Variants in CLASP2 observed in about 807,000 individuals in gnomAD.
CLASP2 encodes cytoplasmic linker associated protein 2.
CLASP2 carries 47 observed loss-of-function variants against 194.4 expected under a neutral mutation model. That is an observed-to-expected ratio of 0.24 (90% CI 0.19 to 0.31). The LOEUF is 0.31. Ranked by LOEUF, CLASP2 falls within the 10% of genes least tolerant of loss-of-function variation. The probability of loss-of-function intolerance (pLI) is 1.00; values close to 1 mark genes in which losing one functional copy is unlikely to be tolerated. For synonymous variants in CLASP2, 619 were observed against 633.5 expected (o/e 0.98, Z 0.34); for missense variants, 1,445 against 1,823.6 (o/e 0.79, Z 3.78).
In CLASP2 at chr3:33,717,939, G is replaced by A. The variant is rs372618019; in HGVS notation, c.64C>T (p.Leu22=). Residue 22 remains leucine, a synonymous_variant, in exon 1 of 39, where the codon CTG becomes TTG. Transcript: ENST00000682230. ...AGCAGGAGCTCCTGGCCGACCTGCA[G>A]CCGGCCGCCGACGTCCTTCTGCTGC... ...QVQQKDVGGR[L]QVGQELLLYL... 5 of 1,547,548 alleles carry A rather than the reference G, an allele frequency of 3.2e-6. No homozygotes were observed. The highest frequency in any genetic ancestry group is 4.4e-6 in the Non-Finnish European group (5 of 1,147,312).
chr3:33,539,055 C>CT, intron 32 of CLASP2, 113 bp from the exon 33 acceptor site: 3 of 749,036 alleles, frequency 4.0e-6, no homozygotes, highest in Non-Finnish European at 5.8e-6. Context: ...TGTATATTCT[C>CT]AGAGCATAAT....
At chr3:33,536,810 T>C (rs1038544597) in intron 33 of CLASP2, among the ~76,000 whole-genome samples, 2 of 152,164 alleles carry the variant, frequency 1.3e-5, no homozygotes, top group Admixed American at 6.5e-5. Context: ...AGACAAAAGA[T>C]TTCCTGACAG....
At chr3:33,707,241 G>T (rs1157341950) in intron 1 of CLASP2, among the ~76,000 whole-genome samples, 1 of 152,050 alleles carries the variant, frequency 6.6e-6, no homozygotes, top group Non-Finnish European at 1.5e-5. Context: ...ATATCAAAAA[G>T]GATAGTAACT....
At chr3:33,615,686 CTATA>C (rs1290027035) in intron 12 of CLASP2, among the ~76,000 whole-genome samples, 2 of 151,780 alleles carry the variant, frequency 1.3e-5, no homozygotes, top group Admixed American at 6.6e-5. Context: ...AACCAACTAC[CTATA>C]TAAAGTGATG....
At chr3:33,623,391 T>A (rs531407433) in intron 10 of CLASP2, among the ~76,000 whole-genome samples, 1 of 152,142 alleles carries the variant, frequency 6.6e-6, no homozygotes, top group Non-Finnish European at 1.5e-5. Flanking sequence ...TTTGTACCCT[T>A]CAACCATCTC....
chr3:33,660,651 A>T (rs2085154151), intron 7 of CLASP2, among the ~76,000 whole-genome samples: 2 of 152,236 alleles, frequency 1.3e-5, no homozygotes, highest in East Asian at 3.8e-4. Flanking sequence ...GTCACAGAAT[A>T]TCAGGTGGAA....
intron 37 of CLASP2, chr3:33,505,466 T>C (rs2047919986): frequency 6.6e-6 from 1 of 152,136 alleles, no homozygotes; most frequent in Non-Finnish European, 1.5e-5. Context: ...TCACACCATA[T>C]ACAAAAATTA....
At chr3:33,587,109 G>A (rs566401472) in intron 21 of CLASP2, among the ~76,000 whole-genome samples, 7 of 151,908 alleles carry the variant, frequency 4.6e-5, no homozygotes, top group African/African-American at 1.4e-4. Flanking sequence ...ATGGGCTGGC[G>A]ATCTGTGATT....
chr3:33,651,589 C>CT (rs900495252), intron 7 of CLASP2, among the ~76,000 whole-genome samples: 3 of 147,046 alleles, frequency 2.0e-5, no homozygotes, highest in South Asian at 4.3e-4. Flanking sequence ...ACACCTTGTC[C>CT]TTTTTTTTTC....
chr3:33,695,941 T>A (rs974300683), intron 2 of CLASP2, among the ~76,000 whole-genome samples: 2 of 152,234 alleles, frequency 1.3e-5, no homozygotes, highest in African/African-American at 4.8e-5. Flanking sequence ...GCCAACTTTG[T>A]AATCCTAATA....
chr3:33,508,192 AT>A (rs930960399), intron 37 of CLASP2, among the ~76,000 whole-genome samples: 1 of 151,806 alleles, frequency 6.6e-6, no homozygotes, highest in South Asian at 2.1e-4. Flanking sequence ...ATTAAAAACA[AT>A]TTTTTTGTAG....
At chr3:33,529,710 G>T (rs138741684) in intron 34 of CLASP2, among the ~76,000 whole-genome samples, 2 of 151,886 alleles carry the variant, frequency 1.3e-5, no homozygotes, top group Admixed American at 1.3e-4. Flanking sequence ...GGCCGGGCGC[G>T]GTGGCTCACG....
intron 6 of CLASP2, among the ~76,000 whole-genome samples, chr3:33,673,323 T>A (rs1174882689): frequency 6.6e-6 from 1 of 152,176 alleles, no homozygotes. Flanking sequence ...CAACCCAGAA[T>A]TTCATATCCA....
intron 36 of CLASP2, among the ~76,000 whole-genome samples, chr3:33,514,279 G>A (rs2050689941): frequency 6.6e-6 from 1 of 150,988 alleles, no homozygotes; most frequent in Middle Eastern, 3.4e-3. Flanking sequence ...AAGCCACCAT[G>A]CCCAGCCAAT....
chr3:33,658,451 G>A (rs957813414), intron 7 of CLASP2, among the ~76,000 whole-genome samples: 6 of 152,194 alleles, frequency 3.9e-5, no homozygotes, highest in Middle Eastern at 6.8e-3. Context: ...AATCTTAAAA[G>A]GCTAAATATT....
chr3:33,526,506 A>G (rs897696038), intron 34 of CLASP2, among the ~76,000 whole-genome samples: 6 of 152,196 alleles, frequency 3.9e-5, no homozygotes, highest in African/African-American at 1.4e-4. Flanking sequence ...CTACAAAGAG[A>G]CATAGATTCC....
intron 19 of CLASP2, 159 bp downstream of exon 19, chr3:33,596,552 T>C: frequency 1.5e-6 from 1 of 683,740 alleles, no homozygotes; most frequent in South Asian, 1.9e-5. Flanking sequence ...TAACCCCAAA[T>C]TCATTCAGAG....
chr3:33,709,711 G>T (rs1233622101), intron 1 of CLASP2, among the ~76,000 whole-genome samples: 2 of 152,268 alleles, frequency 1.3e-5, no homozygotes, highest in East Asian at 3.9e-4. Context: ...ACCCATTTTA[G>T]ATTTTTGACC....
chr3:33,510,479 AATG>A, intron 37 of CLASP2, 76 bp downstream of exon 37: 1 of 1,310,386 alleles, frequency 7.6e-7, no homozygotes, highest in Non-Finnish European at 1.1e-6. Flanking sequence ...TCATGCCAGT[AATG>A]ATGCCTGGAA....
Sources: gnomAD v4.1 joint callset for allele counts (sites outside exome capture counted in the v4.1 genomes callset) on GRCh38, gnomAD v4.1.1 for gene constraint, MANE v1.5 for transcripts, NCBI Gene and HGNC (gene_info 2026-07-23, HGNC 2026-07-21) for gene names.